Variants in GRIK2 observed in about 807,000 individuals in gnomAD.
GRIK2 encodes the protein glutamate ionotropic receptor kainate type subunit 2.
A neutral mutation model predicts 100.3 loss-of-function variants in GRIK2; 32 were observed. The observed-to-expected ratio is 0.32, with a 90% CI of 0.24 to 0.43. The LOEUF is 0.43. Among genes scored for constraint, GRIK2 ranks in the 20% least tolerant of loss-of-function variants. The pLI is 1.00. For missense variants in GRIK2, 843 were observed against 1,114.9 expected (o/e 0.76, Z 3.47); for synonymous variants, 417 against 389.4 (o/e 1.07, Z -0.83).
intron 2 of GRIK2, among the ~76,000 whole-genome samples, chr6:101,402,639 A>G (rs1775382775): frequency 6.6e-6 from 1 of 152,124 alleles, no homozygotes; most frequent in Admixed American, 6.5e-5. Context: ...TGTTGGGACA[A>G]CTTGGGTTTT....
At chr6:101,409,672 A>G (rs998297928) in intron 2 of GRIK2, among the ~76,000 whole-genome samples, 29 of 152,034 alleles carry the variant, frequency 1.9e-4, no homozygotes, top group Non-Finnish European at 5.9e-5. Flanking sequence ...CTGGCCCTTG[A>G]CTTTCCTGTC....
At chr6:101,938,547 CTT>C (rs1006479003) in intron 14 of GRIK2, among the ~76,000 whole-genome samples, 1 of 152,046 alleles carries the variant, frequency 6.6e-6, no homozygotes, top group African/African-American at 2.4e-5. Context: ...CAACTTGAAT[CTT>C]TGTTTTTATG....
intron 14 of GRIK2, among the ~76,000 whole-genome samples, chr6:101,952,324 C>T (rs1791650435): frequency 6.6e-6 from 1 of 152,114 alleles, no homozygotes; most frequent in South Asian, 2.1e-4. Context: ...TAAGCATTTA[C>T]TGGTTGAAGT....
intron 14 of GRIK2, among the ~76,000 whole-genome samples, chr6:101,949,704 A>T (rs747728871): frequency 6.6e-6 from 1 of 152,134 alleles, no homozygotes; most frequent in East Asian, 1.9e-4. Context: ...TTATGGCTGC[A>T]TAGTATTTCA....
At chr6:101,844,793 T>C (rs1304432332) in intron 10 of GRIK2, among the ~76,000 whole-genome samples, 2 of 152,182 alleles carry the variant, frequency 1.3e-5, no homozygotes, top group East Asian at 1.9e-4. Context: ...TTCAGAGGGC[T>C]AGATACATGT....
chr6:101,853,513 T>C (rs1380216447), intron 10 of GRIK2, among the ~76,000 whole-genome samples: 1 of 152,210 alleles, frequency 6.6e-6, no homozygotes, highest in Non-Finnish European at 1.5e-5. Context: ...GCTGCCACTT[T>C]AGAAGACAGT....
chr6:101,531,192 A>G (rs1021115314), intron 2 of GRIK2, among the ~76,000 whole-genome samples: 5 of 152,014 alleles, frequency 3.3e-5, no homozygotes, highest in African/African-American at 1.2e-4. Flanking sequence ...AGCTCTGTCA[A>G]GTCCCATCTT....
rs1157640683 is a variant in GRIK2 at position 101,755,161 on chromosome 6, GTTT to G, written c.952-44466_952-44464del. On this transcript the variant is annotated intron_variant, in intron 7 of 16. Transcript: ENST00000369134. Reference sequence around the variant, plus strand: ...TCATTTCTTTTCTTTTTTCTTTTTGGTTTTTTTTTTTTTTTTTTTTTTTGAGAC... The same window carrying G: ...TCATTTCTTTTCTTTTTTCTTTTTGGTTTTTTTTTTTTTTTTTTTTGAGAC... Among the ~76,000 whole-genome samples the G allele has an allele frequency of 8.4e-3, 866 of 102,894 alleles. 1 individual carries two copies. The highest frequency in any genetic ancestry group is 0.032 in the African/African-American group (817 of 25,394). 67.5% of individuals were successfully genotyped at this position (102,894 alleles called of 152,430 possible). A position where few individuals can be genotyped will look rare whatever the true frequency, so the allele number is the denominator to read the frequency against.
chr6:101,468,207 G>T (rs1389239459), intron 2 of GRIK2, among the ~76,000 whole-genome samples: 1 of 152,176 alleles, frequency 6.6e-6, no homozygotes, highest in Non-Finnish European at 1.5e-5. Flanking sequence ...ACACAGAGGG[G>T]ATCAGGTCCC....
chr6:101,515,753 T>C (rs1011412624), intron 2 of GRIK2, among the ~76,000 whole-genome samples: 12 of 152,300 alleles, frequency 7.9e-5, no homozygotes, highest in African/African-American at 2.9e-4. Flanking sequence ...ACCCACTTTT[T>C]GATGGGATTG....
In GRIK2 at chr6:101,431,320, G is replaced by T. The variant is rs1052256125; in HGVS notation, c.115+31928G>T. On this transcript the variant is annotated intron_variant, in intron 2 of 16. Transcript: ENST00000369134. ...CCCATGTGGGAGTCCTTCTGGCTCAGTTCCAGTAATATTTATTGGAACCTT... is the reference window on the plus strand; with the variant it reads ...CCCATGTGGGAGTCCTTCTGGCTCATTTCCAGTAATATTTATTGGAACCTT... The T allele has an allele frequency of 3.3e-5, 5 of 153,800 alleles. No homozygotes were observed. In the East Asian group the frequency reaches 9.6e-4, roughly 30 times the overall value. 9.5% of individuals were successfully genotyped at this position (153,800 alleles called of 1,614,324 possible). A position where few individuals can be genotyped will look rare whatever the true frequency, so the allele number is the denominator to read the frequency against.
At chr6:102,058,297 C>T (rs1273140274) in intron 16 of GRIK2, among the ~76,000 whole-genome samples, 1 of 151,646 alleles carries the variant, frequency 6.6e-6, no homozygotes, top group East Asian at 1.9e-4. Flanking sequence ...TTTGTATCTC[C>T]AAGGCCTCAA....
intron 2 of GRIK2, among the ~76,000 whole-genome samples, chr6:101,546,925 G>A (rs1186844672): frequency 6.9e-6 from 1 of 143,912 alleles, no homozygotes; most frequent in Non-Finnish European, 1.5e-5. Context: ...CCGCCTCCCG[G>A]GTTCACGCCA....
At chr6:101,584,871 T>C (rs1439572351) in intron 2 of GRIK2, among the ~76,000 whole-genome samples, 1 of 151,888 alleles carries the variant, frequency 6.6e-6, no homozygotes, top group East Asian at 1.9e-4. Flanking sequence ...TTACAGAACC[T>C]GACTTTTAGT....
At chr6:101,610,945 A>G (rs1779648664) in intron 2 of GRIK2, among the ~76,000 whole-genome samples, 1 of 151,864 alleles carries the variant, frequency 6.6e-6, no homozygotes, top group South Asian at 2.1e-4. Flanking sequence ...CTTCCCAATC[A>G]GTATGCAGGC....
chr6:101,722,455 C>A (rs568571397), intron 7 of GRIK2, among the ~76,000 whole-genome samples: 2 of 151,992 alleles, frequency 1.3e-5, no homozygotes. Flanking sequence ...TTTATACTTA[C>A]GTCTTTCACA....
intron 7 of GRIK2, among the ~76,000 whole-genome samples, chr6:101,698,477 A>G (rs555318157): frequency 1.3e-5 from 2 of 152,178 alleles, no homozygotes; most frequent in South Asian, 4.1e-4. Flanking sequence ...TTCTAAAAGA[A>G]CTCATACATA....
chr6:101,739,433 A>G (rs957577546), intron 7 of GRIK2, among the ~76,000 whole-genome samples: 3 of 152,180 alleles, frequency 2.0e-5, no homozygotes, highest in Admixed American at 1.3e-4. Context: ...ACTGTGATAA[A>G]TGAAAGAGCA....
chr6:101,979,857 C>A (rs914814000), intron 14 of GRIK2, among the ~76,000 whole-genome samples: 3 of 151,962 alleles, frequency 2.0e-5, no homozygotes, highest in Non-Finnish European at 4.4e-5. Flanking sequence ...GCAGCGAGCG[C>A]TTAGTCTCTG....
Sources: gnomAD v4.1 joint callset for allele counts (sites outside exome capture counted in the v4.1 genomes callset) on GRCh38, gnomAD v4.1.1 for gene constraint, MANE v1.5 for transcripts, NCBI Gene and HGNC (gene_info 2026-07-23, HGNC 2026-07-21) for gene names.